ZMAT4: variants seen among roughly 807,000 people sequenced by gnomAD.
The protein encoded by ZMAT4 is zinc finger matrin-type protein 4.
ZMAT4 carries 17 observed loss-of-function variants against 28.7 expected under a neutral mutation model. The observed-to-expected ratio is 0.59, with a 90% CI of 0.41 to 0.89. The LOEUF is 0.89. Among genes scored for constraint, ZMAT4 ranks in the 40% least tolerant of loss-of-function variants. ZMAT4 has a pLI of 0.00. For missense variants in ZMAT4, 240 were observed against 283.8 expected (o/e 0.85, Z 1.11); for synonymous variants, 117 against 109.2 (o/e 1.07, Z -0.44).
intron 1 of ZMAT4, among the ~76,000 whole-genome samples, chr8:40,864,044 T>A (rs1207339635): frequency 6.6e-6 from 1 of 152,250 alleles, no homozygotes; most frequent in Non-Finnish European, 1.5e-5. Context: ...CCATGTGCAC[T>A]GCATGGAATC....
chr8:40,617,788 A>C (rs1806062341), intron 5 of ZMAT4, among the ~76,000 whole-genome samples: 1 of 152,218 alleles, frequency 6.6e-6, no homozygotes, highest in African/African-American at 2.4e-5. Flanking sequence ...GCATTTTACG[A>C]AGGGCAAGAT....
chr8:40,852,882 T>A (rs1817162977), intron 1 of ZMAT4, among the ~76,000 whole-genome samples: 1 of 152,218 alleles, frequency 6.6e-6, no homozygotes, highest in Non-Finnish European at 1.5e-5. Context: ...GCTGTCAAGT[T>A]CATCATGATG....
chr8:40,847,686 T>C (rs1389359031), intron 1 of ZMAT4, among the ~76,000 whole-genome samples: 1 of 151,954 alleles, frequency 6.6e-6, no homozygotes, highest in Non-Finnish European at 1.5e-5. Flanking sequence ...AGGAACTCCT[T>C]CCCCCCTAAA....
chr8:40,641,219 G>C (rs992270688), intron 5 of ZMAT4, among the ~76,000 whole-genome samples: 1 of 152,178 alleles, frequency 6.6e-6, no homozygotes, highest in Non-Finnish European at 1.5e-5. Context: ...TAAAAGTGTA[G>C]CAAAGGTGCT....
chr8:40,803,073 C>T (rs903807352), intron 2 of ZMAT4, among the ~76,000 whole-genome samples: 3 of 152,054 alleles, frequency 2.0e-5, no homozygotes, highest in Non-Finnish European at 4.4e-5. Flanking sequence ...AAAAGGAACA[C>T]AAAATGAGCC....
chr8:40,793,290 A>C (rs539090391), intron 2 of ZMAT4, among the ~76,000 whole-genome samples: 13 of 152,340 alleles, frequency 8.5e-5, no homozygotes, highest in African/African-American at 3.1e-4. Flanking sequence ...AAAAACAAAC[A>C]AACAAACAAA....
At chr8:40,770,549 A>T (rs1238058451) in intron 2 of ZMAT4, among the ~76,000 whole-genome samples, 600 of 117,554 alleles carry the variant, frequency 5.1e-3, no homozygotes, top group Non-Finnish European at 5.6e-3. Context: ...TTTCTCTCTC[A>T]TTTTTTTTTT....
intron 6 of ZMAT4, among the ~76,000 whole-genome samples, chr8:40,577,731 G>A (rs538813032): frequency 2.6e-5 from 4 of 151,918 alleles, no homozygotes; most frequent in African/African-American, 7.2e-5. Context: ...ATCACACTAG[G>A]TCCCATAAAT....
intron 3 of ZMAT4, among the ~76,000 whole-genome samples, chr8:40,710,405 C>T (rs957489473): frequency 3.3e-5 from 5 of 152,110 alleles, no homozygotes; most frequent in Non-Finnish European, 7.4e-5. Flanking sequence ...GAGCAGATGG[C>T]ATACAGGCGA....
chr8:40,669,549 A>C (rs1344332805), intron 5 of ZMAT4, among the ~76,000 whole-genome samples: 1 of 152,050 alleles, frequency 6.6e-6, no homozygotes, highest in Non-Finnish European at 1.5e-5. Flanking sequence ...ACTCAACATG[A>C]AGATGATGAG....
intron 5 of ZMAT4, among the ~76,000 whole-genome samples, chr8:40,600,177 A>G (rs1046326664): frequency 2.0e-5 from 3 of 152,212 alleles, no homozygotes; most frequent in Non-Finnish European, 2.9e-5. Context: ...TATTTAGTGG[A>G]CTGCAGAGGA....
At chr8:40,615,930 A>G (rs575465323) in intron 5 of ZMAT4, among the ~76,000 whole-genome samples, 5 of 152,236 alleles carry the variant, frequency 3.3e-5, no homozygotes, top group African/African-American at 1.2e-4. Context: ...AAAAGAAACT[A>G]CCATCAGAGT....
chr8:40,855,473 G>T (rs1344947871), intron 1 of ZMAT4, among the ~76,000 whole-genome samples: 1 of 152,070 alleles, frequency 6.6e-6, no homozygotes, highest in Non-Finnish European at 1.5e-5. Flanking sequence ...GGTTCTGTAG[G>T]AGTAGAGAAC....
At chr8:40,774,962 A>T (rs1203636141) in intron 2 of ZMAT4, among the ~76,000 whole-genome samples, 1 of 152,204 alleles carries the variant, frequency 6.6e-6, no homozygotes, top group East Asian at 1.9e-4. Flanking sequence ...TTATCATTCT[A>T]ATAGTCCTAC....
intron 1 of ZMAT4, among the ~76,000 whole-genome samples, chr8:40,891,226 A>AGG (rs1362911937): frequency 1.5e-3 from 19 of 12,518 alleles, no homozygotes; most frequent in Non-Finnish European, 2.1e-3. Flanking sequence ...AGGAGAGGAG[A>AGG]AGACTTGAGA....
intron 6 of ZMAT4, among the ~76,000 whole-genome samples, chr8:40,562,494 T>A (rs1585687434): frequency 6.6e-6 from 1 of 152,144 alleles, no homozygotes; most frequent in Non-Finnish European, 1.5e-5. Context: ...CTGTTATAAT[T>A]TGAGTTCTTA....
intron 2 of ZMAT4, among the ~76,000 whole-genome samples, chr8:40,771,280 G>T (rs1813379352): frequency 6.6e-6 from 1 of 150,814 alleles, no homozygotes; most frequent in African/African-American, 2.4e-5. Flanking sequence ...AAACTGCACA[G>T]ATACTATGAT....
At chr8:40,729,827 G>T (rs1811462385) in intron 3 of ZMAT4, among the ~76,000 whole-genome samples, 1 of 152,118 alleles carries the variant, frequency 6.6e-6, no homozygotes, top group African/African-American at 2.4e-5. Context: ...TCAATCTCTT[G>T]ACCTTGTGAT....
At chr8:40,780,219 G>A (rs763257774) in intron 2 of ZMAT4, among the ~76,000 whole-genome samples, 8 of 152,048 alleles carry the variant, frequency 5.3e-5, no homozygotes, top group African/African-American at 1.5e-4. Flanking sequence ...TAACCTACCC[G>A]ACACCATAGC....
Sources: gnomAD v4.1 joint callset for allele counts (sites outside exome capture counted in the v4.1 genomes callset) on GRCh38, gnomAD v4.1.1 for gene constraint, MANE v1.5 for transcripts, NCBI Gene and HGNC (gene_info 2026-07-23, HGNC 2026-07-21) for gene names.